TSNARE1: variants seen among roughly 807,000 people sequenced by gnomAD.
TSNARE1 encodes the protein t-SNARE domain containing 1, also known as t-SNARE domain-containing protein 1.
Under a neutral mutation model 62.0 loss-of-function variants are expected in TSNARE1, and 49 were observed. The observed-to-expected ratio is 0.79, with a 90% CI of 0.63 to 1.00. The LOEUF (loss-of-function observed/expected upper bound fraction) is 1.00, where lower values mean the gene tolerates loss of function less well. TSNARE1 is among the 50% of genes least tolerant of loss of function. The pLI, the probability that TSNARE1 is intolerant of heterozygous loss-of-function variation, is 0.00. For synonymous variants in TSNARE1, 328 were observed against 294.4 expected (o/e 1.11, Z -1.17); for missense variants, 755 against 700.1 (o/e 1.08, Z -0.88).
At chr8:142,271,271 C>T (rs1473214146) in intron 12 of TSNARE1, 2 of 1,047,558 alleles carry the variant, frequency 1.9e-6, no homozygotes, top group Non-Finnish European at 2.3e-6. Context: ...CTCGAGGGTC[C>T]GGTTGAGGGC....
At chr8:142,379,895 G>A (rs901598336) in intron 1 of TSNARE1, among the ~76,000 whole-genome samples, 4 of 152,212 alleles carry the variant, frequency 2.6e-5, no homozygotes, top group African/African-American at 7.2e-5. Context: ...GCAGGGTTCT[G>A]TGGTCCCTGA....
Position 142,291,993 on chromosome 8 carries a change from A to C in TSNARE1, c.1291-7508T>G, listed in dbSNP as rs1823856714. On this transcript the variant is annotated intron_variant, in intron 10 of 13. Transcript: ENST00000524325. This position sits in a 1 kb window ranked among gnomAD's most constrained non-coding sequence, Gnocchi z 4.8. Reference sequence around the variant, plus strand: ...CCGGCCCCCCACCTGTTTCAAGCAGAATGTGATAGAAGGGACACTGTAGGG... The same window carrying C: ...CCGGCCCCCCACCTGTTTCAAGCAGCATGTGATAGAAGGGACACTGTAGGG... Among the ~76,000 whole-genome samples the C allele has an allele frequency of 6.6e-6, 1 of 151,232 alleles. No homozygotes were observed.
chr8:142,253,867 A>T, intron 12 of TSNARE1, among the ~76,000 whole-genome samples: 1 of 152,206 alleles, frequency 6.6e-6, no homozygotes, highest in East Asian at 1.9e-4. Flanking sequence ...GGAACAGGAC[A>T]GTGGGTGAGG....
chr8:142,250,202 C>A (rs1328421319), intron 12 of TSNARE1, among the ~76,000 whole-genome samples: 4 of 152,158 alleles, frequency 2.6e-5, no homozygotes, highest in African/African-American at 9.7e-5. Context: ...GCCATGTGCT[C>A]CTCTCGGATT....
chr8:142,352,365 G>C (rs1478543319), intron 2 of TSNARE1, among the ~76,000 whole-genome samples: 1 of 152,366 alleles, frequency 6.6e-6, no homozygotes, highest in Non-Finnish European at 1.5e-5. Flanking sequence ...AGACATCACC[G>C]TCCGACACCC....
Position 142,354,694 on chromosome 8 carries a change from C to T in TSNARE1, c.31G>A (p.Gly11Ser), listed in dbSNP as rs904367289. Residue 11 changes from glycine (G) to serine (S), a missense_variant, in exon 2 of 14, where the codon GGC becomes AGC. By Grantham distance (56) the Gly-to-Ser change is moderately conservative. Transcript: ENST00000524325. ...CCGAAAGGGCCACGGCTCCCCAGGC[C>T]ACCTCCACGGGCGATGGATCCGTAT... The part of the protein sequence containing the change: MSYGSIARGG[G>S]LGSRGPFGGP... The T allele has an allele frequency of 6.2e-7, 1 of 1,613,592 alleles. No individual in the cohort carries two copies. Among genetic ancestry groups the T allele is most frequent in the Non-Finnish European group, 8.5e-7 (1 of 1,179,864 alleles).
intron 1 of TSNARE1, among the ~76,000 whole-genome samples, chr8:142,391,682 A>G (rs1425838115): frequency 6.6e-6 from 1 of 152,206 alleles, no homozygotes; most frequent in African/African-American, 2.4e-5. Context: ...GTCCAGCCGC[A>G]GCCTTGCATG....
At chr8:142,234,411 A>G (rs4976981) in intron 12 of TSNARE1, among the ~76,000 whole-genome samples, 82,547 of 142,472 alleles carry the variant, frequency 0.58, 23,947 homozygotes, top group African/African-American at 0.76. Context: ...CCAAGATGGC[A>G]CCATGACCAC....
At chr8:142,379,530 G>A (rs774944884) in intron 1 of TSNARE1, among the ~76,000 whole-genome samples, 13 of 152,232 alleles carry the variant, frequency 8.5e-5, no homozygotes, top group Non-Finnish European at 1.8e-4. Context: ...GGAACGGGGC[G>A]GGGAGGCCCA....
chr8:142,278,892 G>T, intron 11 of TSNARE1: 1 of 763,644 alleles, frequency 1.3e-6, no homozygotes, highest in Non-Finnish European at 1.6e-6. Flanking sequence ...TCAAGCTGGG[G>T]CCCAGGCTCC....
chr8:142,231,787 C>T (rs1817126095), intron 12 of TSNARE1, among the ~76,000 whole-genome samples: 1 of 152,210 alleles, frequency 6.6e-6, no homozygotes, highest in Non-Finnish European at 1.5e-5. Context: ...CCCAAAGCCA[C>T]CAGCCTGAGA....
At chr8:142,213,765 G>A (rs933400553) in intron 13 of TSNARE1, among the ~76,000 whole-genome samples, 2 of 152,166 alleles carry the variant, frequency 1.3e-5, no homozygotes, top group African/African-American at 4.8e-5. Flanking sequence ...GCCAGTGAGG[G>A]GCCTCTTGGG....
At chr8:142,224,402 T>A (rs1440011931) in intron 13 of TSNARE1, among the ~76,000 whole-genome samples, 9 of 152,258 alleles carry the variant, frequency 5.9e-5, no homozygotes, top group African/African-American at 2.2e-4. Flanking sequence ...TATGCTGACC[T>A]CTGACCCTAG....
chr8:142,237,579 G>A (rs902787104), intron 12 of TSNARE1, among the ~76,000 whole-genome samples: 1 of 152,208 alleles, frequency 6.6e-6, no homozygotes, highest in Non-Finnish European at 1.5e-5. Flanking sequence ...ATTTTGACAA[G>A]GAAGTCCTCC....
At chr8:142,285,536 T>C (rs1288323945) in intron 10 of TSNARE1, among the ~76,000 whole-genome samples, 3 of 145,182 alleles carry the variant, frequency 2.1e-5, no homozygotes, top group African/African-American at 7.8e-5. Context: ...GGATGAGGGA[T>C]AGATGGATGA....
intron 4 of TSNARE1, among the ~76,000 whole-genome samples, chr8:142,332,495 A>G (rs1334775069): frequency 6.6e-6 from 1 of 152,148 alleles, no homozygotes; most frequent in African/African-American, 2.4e-5. Flanking sequence ...TAGAATGCTG[A>G]ATATTCTAAC....
chr8:142,214,921 G>A (rs13269219), intron 13 of TSNARE1, among the ~76,000 whole-genome samples: 121,059 of 152,184 alleles, frequency 0.8, 50,420 homozygotes, highest in Non-Finnish European at 0.91. Context: ...GGTAGAAGCC[G>A]CCTGTGGTGC....
At position 142,284,502 on chromosome 8, in the gene TSNARE1, G is replaced by C; in HGVS notation, c.1291-17C>G. 6.2e-7 allele frequency: 1 copy of C among 1,610,652 alleles called. No homozygotes were observed. Among genetic ancestry groups the C allele is most frequent in the Non-Finnish European group, 8.5e-7 (1 of 1,177,290 alleles). Reference sequence around the variant, plus strand: ...CAAGTTGCTCTGTGGAAACAACATAGAACCACATCAGGAGCAGGGCTGTGG... The same window carrying C: ...CAAGTTGCTCTGTGGAAACAACATACAACCACATCAGGAGCAGGGCTGTGG... On this transcript the variant is annotated splice_polypyrimidine_tract_variant and intron_variant, in intron 10 of 13. Transcript: ENST00000524325.
At chr8:142,287,695 G>A (rs1822998420) in intron 10 of TSNARE1, among the ~76,000 whole-genome samples, 1 of 132,458 alleles carries the variant, frequency 7.5e-6, no homozygotes, top group South Asian at 2.6e-4. Context: ...CAGATCTCAG[G>A]GACAGTGGAA....
Sources: gnomAD v4.1 joint callset for allele counts (sites outside exome capture counted in the v4.1 genomes callset) on GRCh38, gnomAD v4.1.1 for gene constraint, Gnocchi (gnomAD v3.1) non-coding constraint, MANE v1.5 for transcripts, NCBI Gene and HGNC (gene_info 2026-07-23, HGNC 2026-07-21) for gene names.